ZC3H12B: variants seen among roughly 807,000 people sequenced by gnomAD.
ZC3H12B encodes the protein probable ribonuclease ZC3H12B.
A neutral mutation model predicts 43.9 loss-of-function variants in ZC3H12B; 7 were observed. The ratio of observed to expected loss-of-function variants is 0.16; its 90% confidence interval spans 0.09 to 0.30. The LOEUF (loss-of-function observed/expected upper bound fraction) is 0.30, where lower values mean the gene tolerates loss of function less well. Ranked by LOEUF, ZC3H12B falls within the 10% of genes least tolerant of loss-of-function variation. The pLI is 1.00. For missense variants in ZC3H12B, 475 were observed against 670.2 expected (o/e 0.71, Z 3.22); for synonymous variants, 222 against 241.7 (o/e 0.92, Z 0.76).
chrX:65,268,295 A>G, the ZC3H12B span, among the ~76,000 whole-genome samples: 1 of 112,005 alleles, frequency 8.9e-6, no homozygotes, highest in African/African-American at 3.2e-5. Flanking sequence ...AAGCCCAGGG[A>G]CATATTATTT....
the ZC3H12B span, among the ~76,000 whole-genome samples, chrX:65,054,802 C>T: frequency 2.7e-5 from 3 of 111,461 alleles, no homozygotes; most frequent in Admixed American, 9.5e-5. Flanking sequence ...AAGTCCTTCA[C>T]ATCCCTTGTA....
At chrX:65,302,600 G>T in the ZC3H12B span, among the ~76,000 whole-genome samples, 42 of 111,781 alleles carry the variant, frequency 3.8e-4, no homozygotes, top group African/African-American at 1.3e-3. Flanking sequence ...TATTCTATAG[G>T]TTCAGTGCAA....
the ZC3H12B span, among the ~76,000 whole-genome samples, chrX:65,282,146 A>G: frequency 1.8e-5 from 2 of 111,385 alleles, no homozygotes; most frequent in Non-Finnish European, 3.8e-5. Flanking sequence ...TATTATACTC[A>G]GTACTTAGAA....
At chrX:65,151,558 A>G in the ZC3H12B span, among the ~76,000 whole-genome samples, 1 of 112,101 alleles carries the variant, frequency 8.9e-6, no homozygotes, top group African/African-American at 3.2e-5. Context: ...CAAGGAATCT[A>G]GCAATTCCCC....
the ZC3H12B span, among the ~76,000 whole-genome samples, chrX:65,075,527 A>T: frequency 2.7e-5 from 3 of 111,991 alleles, no homozygotes; most frequent in African/African-American, 6.5e-5. Flanking sequence ...GAGAGAGATG[A>T]GAAAGAAACC....
chrX:65,206,648 AAAAT>A, the ZC3H12B span, among the ~76,000 whole-genome samples: 1 of 90,458 alleles, frequency 1.1e-5, no homozygotes, highest in African/African-American at 9.9e-5. Flanking sequence ...CAACAAAAAT[AAAAT>A]AAATAGATAG....
chrX:65,458,938 A>T (rs2067682803), intron 3 of ZC3H12B, among the ~76,000 whole-genome samples: 1 of 111,385 alleles, frequency 9.0e-6, no homozygotes, highest in Non-Finnish European at 1.9e-5. Flanking sequence ...TTTTGAAAAG[A>T]TCAACAAAAT....
the ZC3H12B span, among the ~76,000 whole-genome samples, chrX:65,263,713 G>A: frequency 3.6e-5 from 4 of 111,314 alleles, no homozygotes; most frequent in South Asian, 3.7e-4. Context: ...CCTGCTGTTG[G>A]GAATGTAAGT....
chrX:65,485,374 C>T (rs1191975150), upstream of ZC3H12B, among the ~76,000 whole-genome samples: 1 of 112,304 alleles, frequency 8.9e-6, no homozygotes, highest in African/African-American at 3.2e-5. Context: ...CCACCTCAGC[C>T]TCCAGAGTAG....
At chrX:65,293,137 C>T in the ZC3H12B span, among the ~76,000 whole-genome samples, 1 of 111,582 alleles carries the variant, frequency 9.0e-6, no homozygotes, top group Non-Finnish European at 1.9e-5. Context: ...GTGATGGTAT[C>T]GACAGCTGAG....
At chrX:65,127,658 G>A in the ZC3H12B span, among the ~76,000 whole-genome samples, 3 of 111,063 alleles carry the variant, frequency 2.7e-5, 1 homozygote, top group South Asian at 1.2e-3. Flanking sequence ...GCAGGGATAG[G>A]TATGTCTCAG....
the ZC3H12B span, among the ~76,000 whole-genome samples, chrX:65,135,769 G>A: frequency 4.9e-5 from 4 of 82,464 alleles, no homozygotes; most frequent in East Asian, 3.7e-4. Context: ...TTTTTTTTGA[G>A]TAATTTTTTC....
chrX:65,118,701 G>A, the ZC3H12B span, among the ~76,000 whole-genome samples: 8 of 109,330 alleles, frequency 7.3e-5, no homozygotes, highest in Non-Finnish European at 1.5e-4. Flanking sequence ...TGCACAACCT[G>A]CAGGTTTGTT....
chrX:65,230,019 G>A, the ZC3H12B span, among the ~76,000 whole-genome samples: 1 of 111,302 alleles, frequency 9.0e-6, no homozygotes, highest in African/African-American at 3.3e-5. Flanking sequence ...ATTTGACCCA[G>A]CCATCCCATT....
chrX:65,463,406 C>T (rs1201797058), intron 3 of ZC3H12B, among the ~76,000 whole-genome samples: 1 of 111,950 alleles, frequency 8.9e-6, no homozygotes, highest in Non-Finnish European at 1.9e-5. Context: ...TTGTTTATGT[C>T]ATCTATGATT....
intron 2 of ZC3H12B, among the ~76,000 whole-genome samples, chrX:65,379,147 TG>T (rs773330412): frequency 1.8e-5 from 2 of 112,134 alleles, no homozygotes; most frequent in Non-Finnish European, 3.8e-5. Flanking sequence ...GCTCCACCTC[TG>T]GGGGAGGGCA....
At chrX:65,195,766 G>A in the ZC3H12B span, among the ~76,000 whole-genome samples, 5 of 111,946 alleles carry the variant, frequency 4.5e-5, no homozygotes, top group Non-Finnish European at 9.4e-5. Context: ...TTACTAACAT[G>A]TTTACTTATA....
chrX:65,364,851 G>T (rs78500128), upstream of ZC3H12B, among the ~76,000 whole-genome samples: 1 of 111,176 alleles, frequency 9.0e-6, no homozygotes, highest in Non-Finnish European at 1.9e-5. Flanking sequence ...CAAGCTCAGG[G>T]ATTTGCCCCT....
At chrX:65,170,785 G>T in the ZC3H12B span, among the ~76,000 whole-genome samples, 163 of 111,414 alleles carry the variant, frequency 1.5e-3, 2 homozygotes, top group Non-Finnish European at 3.4e-4. Context: ...TCATTCATTT[G>T]ATCTTCAATC....
Sources: allele counts gnomAD v4.1 joint callset (sites outside exome capture counted in the v4.1 genomes callset), GRCh38; gene constraint gnomAD v4.1.1; transcripts MANE v1.5; gene names NCBI Gene and HGNC (gene_info 2026-07-23, HGNC 2026-07-21).